ZSWIM6: variants seen among roughly 807,000 people sequenced by gnomAD.
ZSWIM6 encodes zinc finger SWIM-type containing 6, also known as zinc finger SWIM domain-containing protein 6.
A neutral mutation model predicts 113.2 loss-of-function variants in ZSWIM6; 9 were observed. The ratio of observed to expected loss-of-function variants is 0.08; its 90% confidence interval spans 0.05 to 0.14. ZSWIM6 has a LOEUF of 0.14. Ranked by LOEUF, ZSWIM6 falls within the 10% of genes least tolerant of loss-of-function variation. The pLI, the probability that ZSWIM6 is intolerant of heterozygous loss-of-function variation, is 1.00. For missense variants in ZSWIM6, 1,162 were observed against 1,552.2 expected, an observed-to-expected ratio of 0.75 and a Z score of 4.22; for synonymous variants, 611 against 606.5, an observed-to-expected ratio of 1.01 and a Z score of -0.11.
chr5:61,417,678 AT>A (rs1316492148), intron 1 of ZSWIM6, among the ~76,000 whole-genome samples: 2 of 152,244 alleles, frequency 1.3e-5, no homozygotes, highest in East Asian at 3.9e-4. Flanking sequence ...ACTGAAGTGC[AT>A]ACTTTTAAAT....
intron 1 of ZSWIM6, among the ~76,000 whole-genome samples, chr5:61,418,304 G>C (rs995990268): frequency 6.6e-6 from 1 of 152,076 alleles, no homozygotes; most frequent in Non-Finnish European, 1.5e-5. Context: ...ATCTTGCTCT[G>C]TCGCCCAGGC....
chr5:61,332,814 C>G lies in ZSWIM6; in HGVS notation c.542C>G (p.Ala181Gly). Residue 181 changes from alanine (A) to glycine (G), a missense_variant, in exon 1 of 14, where the codon GCC becomes GGC. Ala to Gly is a moderately conservative substitution (Grantham distance 60). Around this residue, in one of 4 missense-constraint regions of ZSWIM6, gnomAD observed 333 missense variants for 293.4 expected, o/e 1.13. Transcript: ENST00000252744. ...AAAAAAAAAA[A>G]AAAGAGAPSV... ...GCTGCCGCCGCCGCCGCCGCCGCCG[C>G]CGCCGCCGCGGGGGCCGGGGCCCCG... The G allele has an allele frequency of 2.1e-6, 2 of 950,416 alleles. No homozygotes were observed. Among genetic ancestry groups the G allele is most frequent in the Non-Finnish European group, 2.5e-6 (2 of 803,738 alleles). 58.9% of individuals were successfully genotyped at this position (950,416 alleles called of 1,614,324 possible).
intron 3 of ZSWIM6, 99 bp from the exon 4 acceptor site, chr5:61,494,160 AG>A: frequency 1.6e-6 from 2 of 1,285,686 alleles, no homozygotes; most frequent in Non-Finnish European, 2.2e-6. Context: ...AGAGAGAGAG[AG>A]AAACAGAGAA....
intron 1 of ZSWIM6, among the ~76,000 whole-genome samples, chr5:61,468,288 T>C (rs1005127471): frequency 1.3e-5 from 2 of 152,234 alleles, no homozygotes; most frequent in African/African-American, 4.8e-5. Context: ...TCCTGCAGAT[T>C]AAAAATGGGG....
intron 1 of ZSWIM6, chr5:61,375,422 A>G: frequency 6.6e-7 from 1 of 1,511,630 alleles, no homozygotes; most frequent in South Asian, 1.2e-5. Flanking sequence ...TCTGGTAGGT[A>G]TTCATCTTCT....
At chr5:61,381,080 C>A (rs1280348479) in intron 1 of ZSWIM6, among the ~76,000 whole-genome samples, 6 of 151,958 alleles carry the variant, frequency 3.9e-5, no homozygotes, top group African/African-American at 9.7e-5. Flanking sequence ...GAAACCCTGT[C>A]TCCACTAAAA....
Position 61,507,945 on chromosome 5 carries a change from A to G in ZSWIM6, c.1334-13318A>G, listed in dbSNP as rs1311993146. On this transcript the variant is annotated intron_variant, in intron 4 of 13. Coordinates refer to ENST00000252744, the MANE Select transcript of ZSWIM6 (RefSeq NM_020928.2). ...CAACTTACAGAAGAACCTTCTGACC[A>G]CGTAGCTAGATCGAAGGTTAAACAC... Among the ~76,000 whole-genome samples the G allele has an allele frequency of 7.2e-5, 11 of 152,184 alleles. No individual in the cohort carries two copies. In the East Asian group the frequency reaches 2.1e-3, roughly 29 times the overall value.
At chr5:61,528,464 C>T (rs1427400221) in intron 7 of ZSWIM6, among the ~76,000 whole-genome samples, 1 of 151,874 alleles carries the variant, frequency 6.6e-6, no homozygotes, top group African/African-American at 2.4e-5. Context: ...AGGAGTAGTG[C>T]TCATGTTTCT....
At chr5:61,527,712 A>G (rs567596929) in intron 7 of ZSWIM6, among the ~76,000 whole-genome samples, 1 of 152,356 alleles carries the variant, frequency 6.6e-6, no homozygotes, top group African/African-American at 2.4e-5. Flanking sequence ...ATATTCAAAC[A>G]AAGAGTGCAG....
At chr5:61,462,984 A>C (rs2112170467) in intron 1 of ZSWIM6, among the ~76,000 whole-genome samples, 1 of 152,258 alleles carries the variant, frequency 6.6e-6, no homozygotes, top group East Asian at 1.9e-4. Flanking sequence ...TCAGGTGAAA[A>C]ATGTGTTACT....
chr5:61,543,789 C>G lies in ZSWIM6; in HGVS notation c.3120C>G (p.Arg1040=). The change falls in exon 14 of 14, where the codon CGC becomes CGG. Residue 1040 remains arginine, a synonymous_variant. Coordinates refer to ENST00000252744, the MANE Select transcript of ZSWIM6 (RefSeq NM_020928.2). The surrounding 1 kb of genome is among the most constrained non-coding windows in gnomAD (Gnocchi z 4.3). ...CAATAGCACGGTACATGGAGCACCG[C>G]GGGTACCCCATGAGGGCCTACAAGC... ...LFTIARYMEH[R]GYPMRAYKLA... The G allele has an allele frequency of 1.9e-6, 3 of 1,551,878 alleles. No individual in the cohort carries two copies. Among genetic ancestry groups the G allele is most frequent in the Non-Finnish European group, 2.6e-6 (3 of 1,147,038 alleles).
chr5:61,538,810 A>G lies in ZSWIM6; in HGVS notation c.2382-4A>G. The G allele has an allele frequency of 6.5e-7, 1 of 1,549,636 alleles. No individual in the cohort carries two copies. The highest frequency in any genetic ancestry group is 1.4e-5 in the African/African-American group (1 of 73,032). ...GGGCCACCTTCCTTGTCTTCTCATTATAGGTTACTAGTATTGGAATCTACT... is the reference window on the plus strand; with the variant it reads ...GGGCCACCTTCCTTGTCTTCTCATTGTAGGTTACTAGTATTGGAATCTACT... On this transcript the variant is annotated splice_polypyrimidine_tract_variant and splice_region_variant and intron_variant, in intron 10 of 13. Transcript: ENST00000252744.
intron 1 of ZSWIM6, among the ~76,000 whole-genome samples, chr5:61,464,158 A>ATGTTT (rs1747376159): frequency 2.3e-5 from 1 of 43,514 alleles, no homozygotes; most frequent in Non-Finnish European, 4.1e-5. Flanking sequence ...CACCCGGCTA[A>ATGTTT]TTTTTTTTTT....
rs759112655 is a variant in ZSWIM6 at position 61,500,123 on chromosome 5, T to TATTATTATTATG, written c.1333+5718_1333+5719insTATTATGATTAT. ...GCTTTATTATTATTATTATTATTAT[T>TATTATTATTATG]ATTATCATTATCATTATTATTTTGA... On this transcript the variant is annotated intron_variant, in intron 4 of 13. Transcript: ENST00000252744. Among the ~76,000 whole-genome samples, 546 of 147,922 alleles carry TATTATTATTATG rather than the reference T, an allele frequency of 3.7e-3. 3 individuals are homozygous for TATTATTATTATG. The highest frequency in any genetic ancestry group is 6.3e-3 in the Non-Finnish European group (427 of 67,438).
chr5:61,445,048 T>C (rs911845717), intron 1 of ZSWIM6, among the ~76,000 whole-genome samples: 4 of 152,246 alleles, frequency 2.6e-5, no homozygotes, highest in Non-Finnish European at 5.9e-5. Flanking sequence ...TGTGATTTGG[T>C]GTCTAGTAGT....
At chr5:61,349,798 G>C (rs2112037691) in intron 1 of ZSWIM6, among the ~76,000 whole-genome samples, 1 of 152,244 alleles carries the variant, frequency 6.6e-6, no homozygotes, top group East Asian at 1.9e-4. Context: ...AAATGCCTTT[G>C]TGGGATTAAG....
chr5:61,487,161 G>A (rs1214591792), intron 2 of ZSWIM6, among the ~76,000 whole-genome samples: 1 of 151,932 alleles, frequency 6.6e-6, no homozygotes. Flanking sequence ...CCTTTCCCTA[G>A]TGTATATTCT....
At chr5:61,500,858 T>C (rs755006599) in intron 4 of ZSWIM6, among the ~76,000 whole-genome samples, 9 of 152,148 alleles carry the variant, frequency 5.9e-5, no homozygotes, top group African/African-American at 2.2e-4. Flanking sequence ...CCTTAGCTCA[T>C]TGTCTTTGCC....
chr5:61,409,939 CTCTT>C (rs1415169370), intron 1 of ZSWIM6, among the ~76,000 whole-genome samples: 1 of 152,168 alleles, frequency 6.6e-6, no homozygotes, highest in Non-Finnish European at 1.5e-5. Context: ...ATTTGAGTAA[CTCTT>C]TCAGGGACCC....
Sources: allele counts gnomAD v4.1 joint callset (sites outside exome capture counted in the v4.1 genomes callset), GRCh38; gene constraint gnomAD v4.1.1; regional missense constraint gnomAD v4.1.1; non-coding constraint Gnocchi (gnomAD v3.1); transcripts MANE v1.5; gene names NCBI Gene and HGNC (gene_info 2026-07-23, HGNC 2026-07-21).